Variants in GPR63 observed in about 807,000 individuals in gnomAD.
The protein encoded by GPR63 is G protein-coupled receptor 63, also known as probable G protein-coupled receptor 63.
In GPR63, 12 loss-of-function variants were observed where a neutral mutation model predicts 23.1. The ratio of observed to expected loss-of-function variants is 0.52; its 90% CI spans 0.33 to 0.84. GPR63 has a LOEUF of 0.84. Ranked by LOEUF, GPR63 falls within the 40% of genes least tolerant of loss-of-function variation. The pLI, the probability that GPR63 is intolerant of heterozygous loss-of-function variation, is 0.02. For synonymous variants in GPR63, 172 were observed against 191.1 expected, an observed-to-expected ratio of 0.90 and a Z score of 0.82; for missense variants, 472 against 515.6, an observed-to-expected ratio of 0.92 and a Z score of 0.82.
chr6:96,830,491 C>G (rs905956708), intron 1 of GPR63, among the ~76,000 whole-genome samples: 2 of 152,010 alleles, frequency 1.3e-5, no homozygotes, highest in African/African-American at 4.8e-5. Context: ...AGCACTTATC[C>G]AAGTGCTAAA....
chr6:96,799,690 T>A lies in GPR63; in HGVS notation c.42A>T (p.Thr14=), dbSNP rs392127. 0.12 allele frequency: 192,432 copies of A among 1,614,028 alleles called. 12,244 individuals carry two copies. The highest frequency in any genetic ancestry group is 0.14 in the Middle Eastern group (839 of 6,062). ...CATACACGACAAATGTTGTGTTGGATGTCCCGGTATGGAACGCAGTCAACA... is the reference window on the plus strand; with the variant it reads ...CATACACGACAAATGTTGTGTTGGAAGTCCCGGTATGGAACGCAGTCAACA... ...SAVLTAFHTG[T]SNTTFVVYEN... Residue 14 remains threonine (T), a synonymous_variant, in exon 2 of 2, where the codon ACA becomes ACT. Coordinates refer to ENST00000229955, the MANE Select transcript of GPR63 (RefSeq NM_030784.4).
At chr6:96,804,768 T>C (rs1055066528) in intron 1 of GPR63, among the ~76,000 whole-genome samples, 5 of 152,172 alleles carry the variant, frequency 3.3e-5, no homozygotes, top group Non-Finnish European at 7.4e-5. Context: ...TAGATGTAGA[T>C]TTAGCTGTCA....
chr6:96,798,745 T>A lies in GPR63; in HGVS notation c.987A>T (p.Pro329=). Residue 329 remains proline (P), a synonymous_variant, in exon 2 of 2, where the codon CCA becomes CCT. Coordinates refer to ENST00000229955, the MANE Select transcript of GPR63 (RefSeq NM_030784.4). ...TTGCCACAAGGCTGTAAGTGGTGAA[T>A]GGGGCCCAGCAGACAATGAAGACAG... is the stretch of plus-strand genomic sequence containing the variant. ...LFAVFIVCWA[P]FTTYSLVATF... is the part of the protein sequence containing the mutation. 6.2e-7 allele frequency: 1 copy of A among 1,614,132 alleles called. No homozygotes were observed. The highest frequency in any genetic ancestry group is 1.1e-5 in the South Asian group (1 of 91,082).
chr6:96,826,299 G>A (rs1774437003), intron 1 of GPR63, among the ~76,000 whole-genome samples: 2 of 152,038 alleles, frequency 1.3e-5, no homozygotes, highest in Admixed American at 6.6e-5. Context: ...CTTAAAACAA[G>A]GAGCTGGTAA....
At chr6:96,824,041 T>C (rs1310062690) in intron 1 of GPR63, among the ~76,000 whole-genome samples, 1 of 138,840 alleles carries the variant, frequency 7.2e-6, no homozygotes, top group Non-Finnish European at 1.6e-5. Flanking sequence ...CTAAATCTCA[T>C]GCTCTATGAT....
chr6:96,801,045 G>T (rs867797905), intron 1 of GPR63, among the ~76,000 whole-genome samples: 1 of 152,002 alleles, frequency 6.6e-6, no homozygotes, highest in Non-Finnish European at 1.5e-5. Flanking sequence ...TTTTCCTTCC[G>T]TAGGTCTTTA....
chr6:96,819,622 A>C (rs1263564081), intron 1 of GPR63, among the ~76,000 whole-genome samples: 3 of 151,928 alleles, frequency 2.0e-5, no homozygotes, highest in Non-Finnish European at 4.4e-5. Context: ...ACCATGGTAC[A>C]TGTATATCCA....
chr6:96,826,826 T>C (rs575375478), intron 1 of GPR63, among the ~76,000 whole-genome samples: 35 of 151,888 alleles, frequency 2.3e-4, no homozygotes, highest in Non-Finnish European at 4.1e-4. Context: ...AAATACATCA[T>C]GGAAAAAAGA....
At chr6:96,811,723 G>T (rs1472862301) in intron 1 of GPR63, among the ~76,000 whole-genome samples, 1 of 152,068 alleles carries the variant, frequency 6.6e-6, no homozygotes, top group Non-Finnish European at 1.5e-5. Context: ...AAAACTGGGG[G>T]AATGGGAGTC....
chr6:96,821,691 G>A (rs1203402628), intron 1 of GPR63, among the ~76,000 whole-genome samples: 1 of 152,070 alleles, frequency 6.6e-6, no homozygotes, highest in Non-Finnish European at 1.5e-5. Context: ...GAGAGCTCCA[G>A]CCAAGTCAAT....
intron 1 of GPR63, among the ~76,000 whole-genome samples, chr6:96,801,210 A>ATTT (rs35755439): frequency 2.1e-3 from 304 of 144,032 alleles, no homozygotes; most frequent in African/African-American, 5.4e-3. Context: ...TCAGTCATTG[A>ATTT]TTTTTTTTTT....
chr6:96,825,248 T>C (rs1774411381), intron 1 of GPR63, among the ~76,000 whole-genome samples: 1 of 152,078 alleles, frequency 6.6e-6, no homozygotes, highest in Non-Finnish European at 1.5e-5. Context: ...AATGCTGAGT[T>C]TGTATAATAG....
intron 1 of GPR63, among the ~76,000 whole-genome samples, chr6:96,830,642 G>A (rs1367766443): frequency 6.6e-6 from 1 of 152,190 alleles, no homozygotes; most frequent in Non-Finnish European, 1.5e-5. Context: ...GGGAGTACAT[G>A]CGTGTTTACC....
chr6:96,815,385 A>G (rs535571979), intron 1 of GPR63, among the ~76,000 whole-genome samples: 75 of 152,358 alleles, frequency 4.9e-4, no homozygotes, highest in Admixed American at 1.0e-3. Context: ...AACTCATAGA[A>G]GCAGAGAATA....
chr6:96,831,114 A>G (rs2127961280), intron 1 of GPR63, among the ~76,000 whole-genome samples: 1 of 152,364 alleles, frequency 6.6e-6, no homozygotes, highest in East Asian at 1.9e-4. Context: ...GAATATTTTT[A>G]CATCTTAGAG....
Position 96,837,445 on chromosome 6 carries a change from C to CGGCGGTGGCGGCGGCGGCGATAG in GPR63, c.-329_-328insCTATCGCCGCCGCCGCCACCGCC, listed in dbSNP as rs1562130487. 1 of 153,866 alleles carries CGGCGGTGGCGGCGGCGGCGATAG rather than the reference C, an allele frequency of 6.5e-6. No homozygotes were observed. Among genetic ancestry groups the CGGCGGTGGCGGCGGCGGCGATAG allele is most frequent in the Non-Finnish European group, 1.4e-5 (1 of 69,034 alleles). The allele number at this position is 153,866 out of a possible 1,614,324, so 9.5% of individuals were successfully genotyped here. A position where few individuals can be genotyped will look rare whatever the true frequency, so the allele number is the denominator to read the frequency against. On this transcript the variant is annotated 5_prime_UTR_variant, in exon 1 of 2. Transcript: ENST00000229955. ...GGAGGTGGTGGCGGCGGCGGCGATA[C>CGGCGGTGGCGGCGGCGGCGATAG]AGGCGGCGGTGGCGGGAGCTGGAGC... is the stretch of plus-strand genomic sequence containing the variant.
At chr6:96,807,434 G>C (rs1285305480) in intron 1 of GPR63, among the ~76,000 whole-genome samples, 1 of 152,210 alleles carries the variant, frequency 6.6e-6, no homozygotes, top group African/African-American at 2.4e-5. Context: ...GGTGACGAGT[G>C]GATTACATGG....
chr6:96,801,382 A>G (rs1473056152), intron 1 of GPR63, among the ~76,000 whole-genome samples: 1 of 152,056 alleles, frequency 6.6e-6, no homozygotes, highest in Non-Finnish European at 1.5e-5. Flanking sequence ...TATTTTTAGT[A>G]GAGACGGGGT....
intron 1 of GPR63, among the ~76,000 whole-genome samples, chr6:96,833,513 G>A (rs564250472): frequency 1.3e-3 from 201 of 152,262 alleles, no homozygotes; most frequent in Admixed American, 2.6e-3. Flanking sequence ...TAGGAGAAAG[G>A]TAACAGCTAG....
Sources: gnomAD v4.1 joint callset for allele counts (sites outside exome capture counted in the v4.1 genomes callset) on GRCh38, gnomAD v4.1.1 for gene constraint, MANE v1.5 for transcripts, NCBI Gene and HGNC (gene_info 2026-07-23, HGNC 2026-07-21) for gene names.